The following EPHA5 variants were observed in gnomAD, a reference collection of about 807,000 sequenced individuals.
EPHA5 encodes ephrin type-A receptor 5.
EPHA5 carries 60 observed loss-of-function variants against 105.0 expected under a neutral mutation model. The observed-to-expected ratio is 0.57, with a 90% CI of 0.46 to 0.71. EPHA5 has a LOEUF of 0.71. Among genes scored for constraint, EPHA5 ranks in the 30% least tolerant of loss-of-function variants. The probability of loss-of-function intolerance (pLI) is 0.00; values close to 1 mark genes in which losing one functional copy is unlikely to be tolerated. For missense variants in EPHA5, 1,218 were observed against 1,274.7 expected (o/e 0.96, Z 0.68); for synonymous variants, 513 against 449.1 (o/e 1.14, Z -1.80).
chr4:65,442,165 G>A (rs999782364), intron 5 of EPHA5, among the ~76,000 whole-genome samples: 1 of 151,996 alleles, frequency 6.6e-6, no homozygotes, highest in Non-Finnish European at 1.5e-5. Context: ...ATATATTGAA[G>A]TCCTAACCAC....
chr4:65,576,067 AGAAAAGAAAAG>A (rs1740953655), intron 3 of EPHA5, among the ~76,000 whole-genome samples: 2 of 70,246 alleles, frequency 2.8e-5, no homozygotes, highest in African/African-American at 1.1e-4. Flanking sequence ...AGAAAAGAAA[AGAAAAGAAAAG>A]AAAAGAAAAG....
intron 5 of EPHA5, among the ~76,000 whole-genome samples, chr4:65,465,678 C>G (rs565698959): frequency 6.6e-6 from 1 of 152,082 alleles, no homozygotes; most frequent in Non-Finnish European, 1.5e-5. Flanking sequence ...GTTGCCCATA[C>G]GGGTTCCCCT....
At chr4:65,575,889 A>T (rs1740845525) in intron 3 of EPHA5, among the ~76,000 whole-genome samples, 1 of 151,212 alleles carries the variant, frequency 6.6e-6, no homozygotes, top group Non-Finnish European at 1.5e-5. Flanking sequence ...AGGCAGGAGA[A>T]TTGCTTGAAC....
At chr4:65,347,523 G>A (rs1722336600) in intron 14 of EPHA5, among the ~76,000 whole-genome samples, 1 of 152,132 alleles carries the variant, frequency 6.6e-6, no homozygotes, top group Non-Finnish European at 1.5e-5. Context: ...ATTATTGTAA[G>A]TATGAATTAT....
chr4:65,469,484 G>T (rs1199455587), intron 5 of EPHA5, among the ~76,000 whole-genome samples: 2 of 152,034 alleles, frequency 1.3e-5, no homozygotes, highest in South Asian at 2.1e-4. Flanking sequence ...TTAGTAAAAG[G>T]TGATTTATAT....
At chr4:65,499,455 A>T (rs916139640) in intron 3 of EPHA5, among the ~76,000 whole-genome samples, 1 of 151,584 alleles carries the variant, frequency 6.6e-6, no homozygotes, top group Admixed American at 6.6e-5. Flanking sequence ...GATTTCTTAA[A>T]TTATTTTCCA....
At chr4:65,331,871 T>A (rs548944756) in intron 16 of EPHA5, 102 bp downstream of exon 16, 8 of 1,464,050 alleles carry the variant, frequency 5.5e-6, no homozygotes, top group Non-Finnish European at 6.3e-6. Context: ...CTGCCACACA[T>A]CCGCAAAGGT....
At chr4:65,490,317 A>C (rs1448672128) in intron 5 of EPHA5, 60 bp downstream of exon 5, 1 of 1,492,430 alleles carries the variant, frequency 6.7e-7, no homozygotes, top group African/African-American at 1.4e-5. Context: ...GCCGTCAGCT[A>C]TGGAAATAAT....
At chr4:65,646,001 A>AT (rs1263604736) in intron 1 of EPHA5, among the ~76,000 whole-genome samples, 2 of 152,162 alleles carry the variant, frequency 1.3e-5, no homozygotes, top group African/African-American at 4.8e-5. Flanking sequence ...TTATATTATG[A>AT]TTTTGTTTAT....
In EPHA5 at chr4:65,335,966, T is replaced by G. The variant is rs200462532; in HGVS notation, c.2755A>C (p.Ser919Arg). Residue 919 changes from serine (S) to arginine (R), a missense_variant, in exon 15 of 17, where the codon AGT becomes CGT. Physicochemically the swap from Ser to Arg is moderately radical, Grantham distance 110. Around this residue, in one of 3 missense-constraint regions of EPHA5, gnomAD observed 971 missense variants for 1,013.5 expected, o/e 0.96. Transcript: ENST00000613740. Reference protein sequence around the residue: ...NMLDKLIRNPSSLKTLVNASC... With the variant: ...NMLDKLIRNPRSLKTLVNASC... ...GCATTAACCAGCGTCTTCAGACTAC[T>G]TGGGTTACGTATCAGCTTGTCCAAC... The G allele has an allele frequency of 1.1e-4, 177 of 1,612,744 alleles. No homozygotes were observed. Among genetic ancestry groups the G allele is most frequent in the Non-Finnish European group, 1.4e-4 (169 of 1,179,256 alleles).
chr4:65,572,448 C>G (rs1262255250), intron 3 of EPHA5, among the ~76,000 whole-genome samples: 1 of 152,158 alleles, frequency 6.6e-6, no homozygotes, highest in African/African-American at 2.4e-5. Flanking sequence ...TAGGCCCCCA[C>G]TGCTTCTAAA....
At chr4:65,564,048 T>A (rs1026420230) in intron 3 of EPHA5, among the ~76,000 whole-genome samples, 1 of 151,804 alleles carries the variant, frequency 6.6e-6, no homozygotes, top group Non-Finnish European at 1.5e-5. Flanking sequence ...TCAGCCAACT[T>A]ACTCTTTGCT....
At chr4:65,607,471 AAAAC>A (rs1328186221) in intron 2 of EPHA5, among the ~76,000 whole-genome samples, 2 of 121,000 alleles carry the variant, frequency 1.7e-5, no homozygotes, top group African/African-American at 2.6e-5. Context: ...AAAAAATACA[AAAAC>A]AAACAAACAA....
At chr4:65,437,929 C>A (rs1163127660) in intron 5 of EPHA5, among the ~76,000 whole-genome samples, 1 of 151,836 alleles carries the variant, frequency 6.6e-6, no homozygotes, top group Admixed American at 6.6e-5. Context: ...TTTCTCTGTC[C>A]TATGGTGTCT....
At chr4:65,543,611 T>C (rs951813843) in intron 3 of EPHA5, among the ~76,000 whole-genome samples, 1 of 151,964 alleles carries the variant, frequency 6.6e-6, no homozygotes, top group Non-Finnish European at 1.5e-5. Context: ...TTCTCATAGA[T>C]TGGAAGAATC....
At chr4:65,631,213 T>A (rs1746601448) in intron 2 of EPHA5, among the ~76,000 whole-genome samples, 1 of 152,210 alleles carries the variant, frequency 6.6e-6, no homozygotes, top group Admixed American at 6.5e-5. Flanking sequence ...CTGTGCATTT[T>A]CCCTTCTTGC....
intron 14 of EPHA5, among the ~76,000 whole-genome samples, chr4:65,340,748 T>G (rs543095010): frequency 1.3e-5 from 2 of 152,254 alleles, no homozygotes; most frequent in South Asian, 4.1e-4. Flanking sequence ...AGTAAGTGTG[T>G]CATGGCAAGA....
chr4:65,330,266 T>TAAGAG (rs1468498569), intron 16 of EPHA5, among the ~76,000 whole-genome samples: 1 of 150,974 alleles, frequency 6.6e-6, no homozygotes, highest in African/African-American at 2.4e-5. Flanking sequence ...TGAGAAGACA[T>TAAGAG]AAGAGGTTAT....
At chr4:65,407,778 C>T (rs562626436) in intron 7 of EPHA5, among the ~76,000 whole-genome samples, 1 of 151,502 alleles carries the variant, frequency 6.6e-6, no homozygotes, top group Non-Finnish European at 1.5e-5. Flanking sequence ...TTTGTGGAGA[C>T]AGGGTCTCAC....
Sources: gnomAD v4.1 joint callset for allele counts (sites outside exome capture counted in the v4.1 genomes callset) on GRCh38, gnomAD v4.1.1 for gene constraint, gnomAD v4.1.1 regional missense constraint, MANE v1.5 for transcripts, NCBI Gene and HGNC (gene_info 2026-07-23, HGNC 2026-07-21) for gene names.